Variants in SEC14L1 observed in about 807,000 individuals in gnomAD.
SEC14L1 encodes the protein SEC14 like lipid binding 1, also known as SEC14-like protein 1.
A neutral mutation model predicts 85.3 loss-of-function variants in SEC14L1; 48 were observed. The observed-to-expected ratio is 0.56, with a 90% confidence interval of 0.45 to 0.72. The LOEUF (loss-of-function observed/expected upper bound fraction) is 0.72. Among genes scored for constraint, SEC14L1 ranks in the 30% least tolerant of loss-of-function variants. SEC14L1 has a pLI of 0.00. For synonymous variants in SEC14L1, 391 were observed against 355.5 expected (o/e 1.10, Z -1.12); for missense variants, 682 against 921.4 (o/e 0.74, Z 3.36).
Position 77,213,853 on chromosome 17 carries a change from A to T in SEC14L1, c.2043-65A>T, listed in dbSNP as rs942357633. On this transcript the variant is annotated intron_variant, in intron 16 of 16. Transcript: ENST00000436233. This position sits in a 1 kb window ranked among gnomAD's most constrained non-coding sequence, Gnocchi z 7.1. Reference sequence around the variant, plus strand: ...GGGTGGGCCACGAAGTCCAGCAGGCAGTGTGGGCCGGCGGGTGGTTGGCAG... The same window carrying T: ...GGGTGGGCCACGAAGTCCAGCAGGCTGTGTGGGCCGGCGGGTGGTTGGCAG... 2.7e-5 allele frequency: 43 copies of T among 1,584,914 alleles called. No homozygotes were observed. The highest frequency in any genetic ancestry group is 3.7e-5 in the Non-Finnish European group (43 of 1,154,936).
chr17:77,201,077 C>A (rs1051454682), intron 9 of SEC14L1, among the ~76,000 whole-genome samples: 1 of 152,210 alleles, frequency 6.6e-6, no homozygotes, highest in African/African-American at 2.4e-5. Context: ...CGGTTCAGCC[C>A]GGTTTTCTAC....
At chr17:77,151,612 C>T (rs1973558968) in intron 3 of SEC14L1, among the ~76,000 whole-genome samples, 1 of 152,172 alleles carries the variant, frequency 6.6e-6, no homozygotes, top group South Asian at 2.1e-4. Flanking sequence ...AACAAACAAA[C>T]CCCAAAACCT....
chr17:77,118,181 T>C (rs76571436), intron 3 of SEC14L1, among the ~76,000 whole-genome samples: 1 of 152,392 alleles, frequency 6.6e-6, no homozygotes, highest in East Asian at 1.9e-4. Flanking sequence ...CAGGCCGCAC[T>C]GTGGAAGGGG....
chr17:77,194,750 C>T lies in SEC14L1; in HGVS notation c.548C>T (p.Pro183Leu), dbSNP rs757271773. The T allele has an allele frequency of 1.4e-5, 23 of 1,614,078 alleles. No homozygotes were observed. Among genetic ancestry groups the T allele is most frequent in the South Asian group, 4.4e-5 (4 of 91,088 alleles). Residue 183 changes from proline (P) to leucine (L), a missense_variant, in exon 7 of 17, where the codon CCG (proline) becomes CTG (leucine). Pro to Leu is a moderately conservative substitution (Grantham distance 98, BLOSUM62 -3). Around this residue, in one of 3 missense-constraint regions of SEC14L1, gnomAD observed 123 missense variants for 100.6 expected, o/e 1.22. Coordinates refer to ENST00000436233, the MANE Select transcript of SEC14L1 (RefSeq NM_001143998.2). ...EGITFVPRWS[P>L]PSITTSSETS... ...ATAACCTTTGTGCCCCGTTGGAGTCCGCCTTCCATCACGACCTCTTCAGAG... is the reference window on the plus strand; with the variant it reads ...ATAACCTTTGTGCCCCGTTGGAGTCTGCCTTCCATCACGACCTCTTCAGAG...
chr17:77,192,279 T>C (rs965279321), intron 5 of SEC14L1, among the ~76,000 whole-genome samples: 8 of 152,270 alleles, frequency 5.3e-5, no homozygotes, highest in African/African-American at 1.9e-4. Context: ...AATACTCTCC[T>C]GACAGATTGC....
Position 77,213,755 on chromosome 17 carries a change from T to TC in SEC14L1, c.2043-158dup. On this transcript the variant is annotated intron_variant, in intron 16 of 16. Coordinates refer to ENST00000436233, the MANE Select transcript of SEC14L1 (RefSeq NM_001143998.2). The surrounding 1 kb of genome is among the most constrained non-coding windows in gnomAD (Gnocchi z 7.1). ...CTGCGTGCAGGCTGTGGGAAGCCGG[T>TC]CCCCCTGGTGGGTTACTCATGTCCA... 1.0e-6 allele frequency: 1 copy of TC among 970,834 alleles called. No homozygotes were observed. Among genetic ancestry groups the TC allele is most frequent in the Non-Finnish European group, 1.6e-6 (1 of 625,542 alleles). The allele number at this position is 970,834 out of a possible 1,614,324, so 60.1% of individuals were successfully genotyped here.
chr17:77,176,867 G>A (rs536740599), intron 3 of SEC14L1, among the ~76,000 whole-genome samples: 4 of 152,194 alleles, frequency 2.6e-5, no homozygotes, highest in Non-Finnish European at 4.4e-5. Flanking sequence ...GATTACAGGC[G>A]TGAGCCCCTG....
At chr17:77,142,166 C>A (rs970621199) in intron 1 of SEC14L1, among the ~76,000 whole-genome samples, 1 of 152,128 alleles carries the variant, frequency 6.6e-6, no homozygotes, top group Admixed American at 6.5e-5. Flanking sequence ...AGAGTCATTC[C>A]TTAGCCGTTT....
intron 3 of SEC14L1, among the ~76,000 whole-genome samples, chr17:77,110,886 A>G (rs113027103): frequency 2.0e-5 from 3 of 149,358 alleles, no homozygotes; most frequent in African/African-American, 7.4e-5. Flanking sequence ...TCAAAAAAAA[A>G]AAAAAAAAAA....
At chr17:77,201,626 T>A (rs1976152571) in intron 9 of SEC14L1, among the ~76,000 whole-genome samples, 1 of 152,072 alleles carries the variant, frequency 6.6e-6, no homozygotes, top group Non-Finnish European at 1.5e-5. Context: ...ACTTTTTGTA[T>A]TTTTAGTAGA....
chr17:77,178,811 A>T (rs563021660), intron 3 of SEC14L1, among the ~76,000 whole-genome samples: 1 of 152,338 alleles, frequency 6.6e-6, no homozygotes, highest in East Asian at 1.9e-4. Context: ...CAGCGTGGCC[A>T]CGTTCTCAGC....
chr17:77,098,065 C>T (rs896517565), intron 3 of SEC14L1, among the ~76,000 whole-genome samples: 2 of 152,130 alleles, frequency 1.3e-5, no homozygotes, highest in South Asian at 4.1e-4. Context: ...GGGCTGAGGC[C>T]AGATCTCATG....
intron 3 of SEC14L1, chr17:77,127,870 GAC>G (rs964917356): frequency 1.3e-5 from 2 of 152,206 alleles, no homozygotes; most frequent in Non-Finnish European, 2.9e-5. Flanking sequence ...AGAGATTTGA[GAC>G]ACACAAGGGA....
intron 3 of SEC14L1, among the ~76,000 whole-genome samples, chr17:77,190,320 A>T (rs1418101771): frequency 6.6e-6 from 1 of 151,932 alleles, no homozygotes; most frequent in African/African-American, 2.4e-5. Flanking sequence ...AGTTGGGTGT[A>T]TTTGTTTGAG....
At chr17:77,203,001 G>T (rs983949596) in intron 9 of SEC14L1, among the ~76,000 whole-genome samples, 5 of 151,384 alleles carry the variant, frequency 3.3e-5, no homozygotes, top group Admixed American at 3.3e-4. Context: ...AGGATTTTTA[G>T]AATGTTCTCA....
intron 3 of SEC14L1, among the ~76,000 whole-genome samples, chr17:77,174,076 A>G (rs1567909499): frequency 6.6e-6 from 1 of 151,452 alleles, no homozygotes; most frequent in African/African-American, 2.4e-5. Context: ...AATTTTTTGT[A>G]TTTTATTTAT....
At chr17:77,178,260 AG>A (rs1329846842) in intron 3 of SEC14L1, among the ~76,000 whole-genome samples, 1 of 152,138 alleles carries the variant, frequency 6.6e-6, no homozygotes, top group Non-Finnish European at 1.5e-5. Flanking sequence ...CAGAGCTGCA[AG>A]AACACGGCCT....
At position 77,216,712 on chromosome 17, in the gene SEC14L1, C is replaced by G; in HGVS notation, c.*2689C>G. On this transcript the variant is annotated 3_prime_UTR_variant, in exon 17 of 17. Transcript: ENST00000436233. The stretch of plus-strand genomic sequence containing the variant: ...TTCGGGAGTGGCATTCTTTTATACC[C>G]AAAGACTGTAGTGCATCTTGAAGAG... 7.1e-7 allele frequency: 1 copy of G among 1,411,150 alleles called. No homozygotes were observed. 87.4% of individuals were successfully genotyped at this position (1,411,150 alleles called of 1,614,324 possible).
In SEC14L1 at chr17:77,195,083, T is replaced by C. The variant is rs1975738727; in HGVS notation, c.709+172T>C. ...TCCTCTCGCTTATGTAATACATTCA[T>C]TTTACCTTTTATTAGATTTTTTGTT... On this transcript the variant is annotated intron_variant, in intron 7 of 16. Coordinates refer to ENST00000436233, the MANE Select transcript of SEC14L1 (RefSeq NM_001143998.2). 3 of 583,220 alleles carry C rather than the reference T, an allele frequency of 5.1e-6. No individual in the cohort carries two copies. The South Asian group carries it at 6.7e-5, about 13-fold the overall frequency. 36.1% of individuals were successfully genotyped at this position (583,220 alleles called of 1,614,324 possible). A position where few individuals can be genotyped will look rare whatever the true frequency, so the allele number is the denominator to read the frequency against.
Sources: gnomAD v4.1 joint callset for allele counts (sites outside exome capture counted in the v4.1 genomes callset) on GRCh38, gnomAD v4.1.1 for gene constraint, gnomAD v4.1.1 regional missense constraint, Gnocchi (gnomAD v3.1) non-coding constraint, MANE v1.5 for transcripts, NCBI Gene and HGNC (gene_info 2026-07-23, HGNC 2026-07-21) for gene names.